Variants in MICAL3 observed in about 807,000 individuals in gnomAD.
MICAL3 encodes microtubule associated monooxygenase, calponin and LIM domain containing 3.
MICAL3 carries 62 observed loss-of-function variants against 207.4 expected under a neutral mutation model. That is an observed-to-expected ratio of 0.30 (90% CI 0.24 to 0.37). MICAL3 has a LOEUF of 0.37. Ranked by LOEUF, MICAL3 falls within the 10% of genes least tolerant of loss-of-function variation. The pLI, the probability that MICAL3 is intolerant of heterozygous loss-of-function variation, is 1.00. For missense variants in MICAL3, 2,368 were observed against 2,635.6 expected, an observed-to-expected ratio of 0.90 and a Z score of 2.22; for synonymous variants, 1,077 against 1,069.3, an observed-to-expected ratio of 1.01 and a Z score of -0.14.
intron 29 of MICAL3, among the ~76,000 whole-genome samples, chr22:17,805,521 T>C (rs1033130307): frequency 2.0e-5 from 3 of 152,266 alleles, no homozygotes; most frequent in African/African-American, 7.2e-5. Context: ...AAGGCCCATC[T>C]TGAAAAACAG....
intron 16 of MICAL3, among the ~76,000 whole-genome samples, chr22:17,873,981 G>A (rs1927991945): frequency 6.6e-6 from 1 of 152,178 alleles, no homozygotes; most frequent in Admixed American, 6.5e-5. Context: ...CATTATCCCG[G>A]GGATGCCAAC....
At chr22:17,920,163 AC>A (rs1387746142) in intron 1 of MICAL3, among the ~76,000 whole-genome samples, 2 of 152,246 alleles carry the variant, frequency 1.3e-5, no homozygotes, top group Non-Finnish European at 1.5e-5. Context: ...GGAAAGCTGC[AC>A]GCGTGAAACG....
At position 17,902,060 on chromosome 22, in the gene MICAL3, G is replaced by T. The variant is rs1931365437; in HGVS notation, c.590-81C>A. ...GGACCATCTCTAGATACCCAGTCAT[G>T]TGAACTGCACAAAACCCTGGGCCAA... On this transcript the variant is annotated intron_variant, in intron 4 of 31. Coordinates refer to ENST00000441493, the MANE Select transcript of MICAL3 (RefSeq NM_015241.3). This position sits in a 1 kb window ranked among gnomAD's most constrained non-coding sequence, Gnocchi z 4.5. The T allele has an allele frequency of 4.0e-6, 4 of 989,396 alleles. No individual in the cohort carries two copies. The African/African-American group carries it at 4.8e-5, about 12-fold the overall frequency. 61.3% of individuals were successfully genotyped at this position (989,396 alleles called of 1,614,324 possible). A position where few individuals can be genotyped will look rare whatever the true frequency, so the allele number is the denominator to read the frequency against.
chr22:17,865,074 C>G (rs1926934435), intron 18 of MICAL3, 88 bp from the exon 19 acceptor site: 15 of 1,077,182 alleles, frequency 1.4e-5, no homozygotes, highest in Non-Finnish European at 1.8e-5. Context: ...ATCTGACACG[C>G]TGGTTTTAAA....
chr22:17,847,634 G>A (rs986949771), intron 19 of MICAL3, among the ~76,000 whole-genome samples: 2 of 152,050 alleles, frequency 1.3e-5, no homozygotes, highest in East Asian at 1.9e-4. Flanking sequence ...ACCACCTTCC[G>A]GCGTCACCTT....
rs763376703 is a variant in MICAL3 at position 17,841,967 on chromosome 22, C to A, written c.2656G>T (p.Gly886Cys). The change falls in exon 20 of 32, where the codon GGC (glycine) becomes TGC (cysteine). Residue 886 changes from glycine (G) to cysteine (C), a missense_variant. Transcript: ENST00000441493. The surrounding 1 kb of genome is among the most constrained non-coding windows in gnomAD (Gnocchi z 4.2). ...EEPSIAKRLR[G>C]TPERIELENY... The stretch of plus-strand genomic sequence containing the variant: ...TCCAGCTCGATCCGCTCTGGGGTGC[C>A]CCTCAGTCGCTTGGCGATGCTGGGC... 2 of 1,607,042 alleles carry A rather than the reference C, an allele frequency of 1.2e-6. No individual in the cohort carries two copies. The highest frequency in any genetic ancestry group is 2.2e-5 in the East Asian group (1 of 44,836).
At chr22:17,804,892 C>G (rs2061974894) in intron 29 of MICAL3, among the ~76,000 whole-genome samples, 1 of 152,202 alleles carries the variant, frequency 6.6e-6, no homozygotes, top group South Asian at 2.1e-4. Context: ...GTTTTTGTAA[C>G]AAAAAGGCTT....
At chr22:17,803,781 T>G in intron 29 of MICAL3, 2 of 979,720 alleles carry the variant, frequency 2.0e-6, no homozygotes, top group Non-Finnish European at 2.4e-6. Flanking sequence ...TCAGCGGGGT[T>G]AGTGTCAGCA....
At chr22:17,984,973 G>A (rs1353261697) in intron 1 of MICAL3, among the ~76,000 whole-genome samples, 1 of 152,088 alleles carries the variant, frequency 6.6e-6, no homozygotes, top group African/African-American at 2.4e-5. Flanking sequence ...ATGCTAGAGG[G>A]TGAGTGCCCC....
chr22:17,818,857 G>A lies in MICAL3; in HGVS notation c.3804C>T (p.Thr1268=), dbSNP rs986972360. ...GGGTAGGGGATGGGACAGTGGCCTC[G>A]GTGGAAGGCTGGGGCTGGGAGCAGA... ...LPICSQPQPS[T]EATVPSPTQS... is the part of the protein sequence containing the mutation. The change falls in exon 26 of 32, where the codon ACC becomes ACT. Residue 1268 remains threonine (T), a synonymous_variant. Transcript: ENST00000441493. 8.4e-6 allele frequency: 13 copies of A among 1,546,648 alleles called. No homozygotes were observed. Among genetic ancestry groups the A allele is most frequent in the Non-Finnish European group, 1.1e-5 (13 of 1,143,956 alleles).
At chr22:17,879,613 G>A (rs566646346) in intron 16 of MICAL3, among the ~76,000 whole-genome samples, 1 of 152,146 alleles carries the variant, frequency 6.6e-6, no homozygotes, top group Non-Finnish European at 1.5e-5. Context: ...CCCCCCACTG[G>A]CCTCCGACGA....
intron 16 of MICAL3, chr22:17,879,447 T>C (rs1489413522): frequency 5.3e-6 from 8 of 1,523,742 alleles, no homozygotes; most frequent in African/African-American, 2.8e-5. Flanking sequence ...CATATCGCTC[T>C]ATTTGGACCT....
chr22:17,864,240 A>T (rs1430653062), intron 19 of MICAL3: 1 of 1,028,220 alleles, frequency 9.7e-7, no homozygotes, highest in African/African-American at 1.7e-5. Context: ...TCCCAACACA[A>T]GGAAGTGGTC....
intron 1 of MICAL3, among the ~76,000 whole-genome samples, chr22:17,988,337 T>C (rs1171425737): frequency 6.6e-6 from 1 of 152,192 alleles, no homozygotes; most frequent in Non-Finnish European, 1.5e-5. Flanking sequence ...AACATCCTGT[T>C]CCAGTTCCTT....
intron 1 of MICAL3, among the ~76,000 whole-genome samples, chr22:17,950,337 GTTT>G (rs764642603): frequency 0.053 from 4,695 of 89,380 alleles, 157 homozygotes; most frequent in African/African-American, 0.093. Flanking sequence ...TTTTGTTTTT[GTTT>G]TTTTTTTTTT....
intron 1 of MICAL3, among the ~76,000 whole-genome samples, chr22:17,921,674 A>G (rs1932803072): frequency 6.6e-6 from 1 of 152,112 alleles, no homozygotes; most frequent in Admixed American, 6.5e-5. Flanking sequence ...TTTTTAGTAG[A>G]GACGGGATTT....
chr22:17,990,167 G>A (rs1921502270), intron 1 of MICAL3, among the ~76,000 whole-genome samples: 1 of 152,194 alleles, frequency 6.6e-6, no homozygotes, highest in South Asian at 2.1e-4. Flanking sequence ...GCAGGCTTTT[G>A]CAGATGCTTT....
intron 1 of MICAL3, among the ~76,000 whole-genome samples, chr22:17,930,620 G>T (rs1367723858): frequency 6.6e-6 from 1 of 152,234 alleles, no homozygotes; most frequent in Non-Finnish European, 1.5e-5. Context: ...TGGTGCAGAA[G>T]TCGGCTCAGA....
chr22:17,818,020 C>T lies in MICAL3; in HGVS notation c.4641G>A (p.Pro1547=), dbSNP rs368734992. The part of the protein sequence containing the change: ...SSLQEKFFTP[P]SCWPRPEKPR... ...GCTTCTCGGGGCGCGGCCAGCAGGA[C>T]GGGGGCGTGAAGAATTTCTCCTGCA... Residue 1547 remains proline (P), a synonymous_variant, in exon 26 of 32, where the codon CCG becomes CCA. Transcript: ENST00000441493. 56 of 1,612,310 alleles carry T rather than the reference C, an allele frequency of 3.5e-5. No homozygotes were observed. The highest frequency in any genetic ancestry group is 1.6e-4 in the Middle Eastern group (1 of 6,084).
Sources: allele counts gnomAD v4.1 joint callset (sites outside exome capture counted in the v4.1 genomes callset), GRCh38; gene constraint gnomAD v4.1.1; non-coding constraint Gnocchi (gnomAD v3.1); transcripts MANE v1.5; gene names NCBI Gene and HGNC (gene_info 2026-07-23, HGNC 2026-07-21).